PGR: variants seen among roughly 807,000 people sequenced by gnomAD.
PGR encodes nuclear receptor subfamily 3 group C member 3.
Under a neutral mutation model 76.1 loss-of-function variants are expected in PGR, and 25 were observed. The ratio of observed to expected loss-of-function variants is 0.33; its 90% CI spans 0.24 to 0.46. PGR has a LOEUF of 0.46. Among genes scored for constraint, PGR ranks in the 20% least tolerant of loss-of-function variants. The pLI, the probability that PGR is intolerant of heterozygous loss-of-function variation, is 1.00. For synonymous variants in PGR, 579 were observed against 535.0 expected, an observed-to-expected ratio of 1.08 and a Z score of -1.14; for missense variants, 1,172 against 1,225.3, an observed-to-expected ratio of 0.96 and a Z score of 0.65.
At chr11:101,056,642 G>GAAAAAAA (rs200810746) in intron 4 of PGR, among the ~76,000 whole-genome samples, 1 of 120,958 alleles carries the variant, frequency 8.3e-6, no homozygotes. Flanking sequence ...CCTATCTCAA[G>GAAAAAAA]AAAAAAAAAA....
At chr11:101,063,182 G>A (rs2135412239) in intron 3 of PGR, 1 of 153,840 alleles carries the variant, frequency 6.5e-6, no homozygotes, top group South Asian at 2.0e-4. Context: ...TTAGTCTATA[G>A]TGGTTGTTAA....
At chr11:101,063,805 T>C (rs1860599988) in intron 3 of PGR, 1 of 152,200 alleles carries the variant, frequency 6.6e-6, no homozygotes, top group Non-Finnish European at 1.5e-5. Context: ...CGTGAATTAC[T>C]TAGGTGGCAA....
chr11:101,125,580 T>C (rs936807562), intron 2 of PGR, among the ~76,000 whole-genome samples: 1 of 152,224 alleles, frequency 6.6e-6, no homozygotes, highest in Non-Finnish European at 1.5e-5. Context: ...TGTTCGTGTA[T>C]GTACAAATAT....
At chr11:101,041,536 A>G (rs938964554) in intron 7 of PGR, 6 of 171,668 alleles carry the variant, frequency 3.5e-5, no homozygotes, top group African/African-American at 1.4e-4. Context: ...AACTTTTGCT[A>G]TGTATTGCCT....
chr11:101,081,896 C>T (rs924255404), intron 3 of PGR, among the ~76,000 whole-genome samples: 2 of 152,174 alleles, frequency 1.3e-5, no homozygotes, highest in African/African-American at 4.8e-5. Context: ...GGGATCAAAA[C>T]CTCACATATA....
rs868249206 is a variant in PGR, at chr11:101,090,286, T to G, written c.1906+1474A>C. ...CTGATCCCCAGGAGTATTCTGAAGG[T>G]TCTATCCAGAACTCCGCCATTTTCA... On this transcript the variant is annotated intron_variant, in intron 3 of 7. Coordinates refer to ENST00000325455, the MANE Select transcript of PGR (RefSeq NM_000926.4). 6.6e-5 allele frequency among the ~76,000 whole-genome samples: 10 copies of G among 152,194 alleles called. No homozygotes were observed. In the South Asian group the frequency reaches 1.9e-3, roughly 28 times the overall value.
intron 3 of PGR, among the ~76,000 whole-genome samples, chr11:101,071,497 G>A (rs979435279): frequency 1.3e-5 from 2 of 151,980 alleles, no homozygotes; most frequent in African/African-American, 2.4e-5. Flanking sequence ...GACAGAAGTA[G>A]GCTTCAGGAG....
At chr11:101,086,340 CAT>C (rs941825615) in intron 3 of PGR, among the ~76,000 whole-genome samples, 6 of 151,962 alleles carry the variant, frequency 3.9e-5, no homozygotes, top group Non-Finnish European at 8.8e-5. Flanking sequence ...AAAATAAAAC[CAT>C]ATGATCATCT....
chr11:101,129,571 A>C lies in PGR; in HGVS notation c.-501T>G. 1 of 187,044 alleles carries C rather than the reference A, an allele frequency of 5.3e-6. No homozygotes were observed. Among genetic ancestry groups the C allele is most frequent in the Non-Finnish European group, 1.1e-5 (1 of 88,984 alleles). The allele number at this position is 187,044 out of a possible 1,614,324, so 11.6% of individuals were successfully genotyped here. ...GCTGAGTTCCACTGCCCCCTCACTA[A>C]AACCCTGGGGCTAGTCGGACCTCTC... On this transcript the variant is annotated 5_prime_UTR_variant, in exon 1 of 8. Coordinates refer to ENST00000325455, the MANE Select transcript of PGR (RefSeq NM_000926.4).
At chr11:101,121,338 A>C (rs1862669391) in intron 2 of PGR, among the ~76,000 whole-genome samples, 1 of 152,208 alleles carries the variant, frequency 6.6e-6, no homozygotes, top group Non-Finnish European at 1.5e-5. Flanking sequence ...ACTACAAAAG[A>C]TGGAGAAAGC....
rs1862992882 is a variant in PGR at position 101,128,823 on chromosome 11, A to G, written c.248T>C (p.Val83Ala). 1.2e-6 allele frequency: 2 copies of G among 1,614,138 alleles called. No individual in the cohort carries two copies. Among genetic ancestry groups the G allele is most frequent in the Non-Finnish European group, 8.5e-7 (1 of 1,180,030 alleles). ...KTQDQQSLSD[V>A]EGAYSRAEAT... ...TTCAGCTCTGGAATATGCGCCCTCC[A>G]CGTCCGACAGCGACTGCTGGTCCTG... The change falls in exon 1 of 8, where the codon GTG becomes GCG. Residue 83 changes from valine (V) to alanine (A), a missense_variant. Transcript: ENST00000325455.
chr11:101,041,797 A>G (rs752739935), intron 7 of PGR, 148 bp downstream of exon 7: 57 of 671,994 alleles, frequency 8.5e-5, no homozygotes, highest in Admixed American at 2.0e-4. Flanking sequence ...AACACAATAA[A>G]AAGTCTGAGC....
chr11:101,065,482 T>C (rs1860679714), intron 3 of PGR, among the ~76,000 whole-genome samples: 2 of 152,218 alleles, frequency 1.3e-5, no homozygotes, highest in African/African-American at 4.8e-5. Context: ...TTCATATAAT[T>C]GTACTCTTAG....
At chr11:101,072,776 T>A (rs992562444) in intron 3 of PGR, among the ~76,000 whole-genome samples, 1 of 152,216 alleles carries the variant, frequency 6.6e-6, no homozygotes, top group Admixed American at 6.5e-5. Flanking sequence ...AAGAGCTGAC[T>A]ATCCTAAAAA....
At chr11:101,104,992 G>T (rs1232850783) in intron 2 of PGR, among the ~76,000 whole-genome samples, 1 of 152,160 alleles carries the variant, frequency 6.6e-6, no homozygotes, top group Non-Finnish European at 1.5e-5. Flanking sequence ...AGCTGGAATG[G>T]GTTGGAGAAG....
chr11:101,125,375 T>C (rs1381727266), intron 2 of PGR, among the ~76,000 whole-genome samples: 1 of 152,188 alleles, frequency 6.6e-6, no homozygotes, highest in Non-Finnish European at 1.5e-5. Context: ...TTAGAAATTA[T>C]GTTACTGTGA....
At chr11:101,096,633 G>A (rs956786629) in intron 2 of PGR, among the ~76,000 whole-genome samples, 5 of 152,130 alleles carry the variant, frequency 3.3e-5, no homozygotes, top group Admixed American at 2.6e-4. Flanking sequence ...CATTAGCCCT[G>A]TCACAACATT....
intron 3 of PGR, among the ~76,000 whole-genome samples, chr11:101,086,919 C>T (rs1030310136): frequency 6.6e-6 from 1 of 151,898 alleles, no homozygotes; most frequent in Non-Finnish European, 1.5e-5. Flanking sequence ...CATAACATTG[C>T]TAAAAGAAAT....
intron 5 of PGR, chr11:101,051,054 T>C: frequency 5.4e-6 from 1 of 186,378 alleles, no homozygotes; most frequent in Non-Finnish European, 1.1e-5. Context: ...TTTAAATAAA[T>C]TAGCAGTCTA....
Sources: gnomAD v4.1 joint callset for allele counts (sites outside exome capture counted in the v4.1 genomes callset) on GRCh38, gnomAD v4.1.1 for gene constraint, MANE v1.5 for transcripts, NCBI Gene and HGNC (gene_info 2026-07-23, HGNC 2026-07-21) for gene names.